The following LRRC37B variants were observed in gnomAD, a reference collection of about 807,000 sequenced individuals.
LRRC37B encodes the protein leucine rich repeat containing 37B, also known as leucine-rich repeat-containing protein 37B.
In LRRC37B, 28 loss-of-function variants were observed where a neutral mutation model predicts 98.3. The ratio of observed to expected loss-of-function variants is 0.28; its 90% CI spans 0.21 to 0.39. The LOEUF (loss-of-function observed/expected upper bound fraction) is 0.39, where lower values mean the gene tolerates loss of function less well. LRRC37B is among the 10% of genes least tolerant of loss of function. LRRC37B has a pLI of 1.00. For synonymous variants in LRRC37B, 364 were observed against 442.7 expected, an observed-to-expected ratio of 0.82 and a Z score of 2.23; for missense variants, 938 against 1,182.7, an observed-to-expected ratio of 0.79 and a Z score of 3.03.
upstream of LRRC37B, chr17:32,007,931 A>C: frequency 3.4e-6 from 2 of 579,832 alleles, no homozygotes; most frequent in Non-Finnish European, 4.9e-6. This position sits in a 1 kb window ranked among gnomAD's most constrained non-coding sequence, Gnocchi z 4.1. Context: ...GGCTGTCAAC[A>C]GAGTGGTGTA....
exon 1 of LRRC37B, chr17:32,021,467 G>T: frequency 6.2e-7 from 1 of 1,614,040 alleles, no homozygotes. Context: ...CTGGAGAGCT[G>T]CCCCTGGGGC....
chr17:32,039,349 C>T (rs938342656), intron 7 of LRRC37B, among the ~76,000 whole-genome samples: 1 of 149,320 alleles, frequency 6.7e-6, no homozygotes, highest in Non-Finnish European at 1.5e-5. Flanking sequence ...TGATGGCACA[C>T]TCCTGTAGTC....
intron 1 of LRRC37B, among the ~76,000 whole-genome samples, chr17:32,012,490 G>A (rs1910545401): frequency 1.3e-5 from 2 of 152,054 alleles, no homozygotes. Flanking sequence ...GCCAAGGCGG[G>A]TGGATCACCT....
intron 3 of LRRC37B, among the ~76,000 whole-genome samples, chr17:32,029,173 T>C (rs1055859709): frequency 1.3e-5 from 2 of 151,974 alleles, no homozygotes; most frequent in Admixed American, 6.6e-5. Flanking sequence ...AGCTAATTTA[T>C]TGTATTTTTA....
At chr17:32,053,317 T>C (rs368628354) in exon 12 of LRRC37B, 2 of 1,608,630 alleles carry the variant, frequency 1.2e-6, no homozygotes, top group African/African-American at 2.7e-5. Flanking sequence ...CCCATCAATA[T>C]CAGGAGCCTG....
upstream of LRRC37B, chr17:32,017,280 T>C (rs540761446): frequency 6.6e-6 from 1 of 152,342 alleles, no homozygotes; most frequent in South Asian, 2.1e-4. Flanking sequence ...AGGGAGTAGA[T>C]GATACCTAGC....
chr17:32,031,773 G>A (rs1292900387), intron 5 of LRRC37B, among the ~76,000 whole-genome samples: 1 of 150,720 alleles, frequency 6.6e-6, no homozygotes, highest in Admixed American at 6.6e-5. Flanking sequence ...AGGAGCTGAG[G>A]GGGGCGGATC....
At chr17:32,027,483 G>A (rs1910999546) in intron 2 of LRRC37B, among the ~76,000 whole-genome samples, 4 of 150,066 alleles carry the variant, frequency 2.7e-5, no homozygotes. Context: ...GTGTGTGCTT[G>A]TGTGTGGGTG....
At chr17:32,014,734 A>G (rs532055805) in intron 1 of LRRC37B, among the ~76,000 whole-genome samples, 2 of 150,714 alleles carry the variant, frequency 1.3e-5, no homozygotes, top group Non-Finnish European at 2.9e-5. Context: ...AGATACATAT[A>G]TCTATATACA....
At position 32,041,519 on chromosome 17, in the gene LRRC37B, G is replaced by T. The variant is rs760921235; in HGVS notation, c.2205-4181G>T. On this transcript the variant is annotated intron_variant, in intron 7 of 11. Coordinates refer to ENST00000327564, the Ensembl canonical transcript of LRRC37B. ...GCTACATGGACGTGCTCATGCCTCT[G>T]CCCAGTGACTCACTGGTGCCCCCGC... 4 of 544,858 alleles carry T rather than the reference G, an allele frequency of 7.3e-6. No individual in the cohort carries two copies. In the Admixed American group the frequency reaches 8.8e-5, roughly 12 times the overall value. 33.8% of individuals were successfully genotyped at this position (544,858 alleles called of 1,614,324 possible).
chr17:32,031,215 G>A lies in LRRC37B; in HGVS notation c.1977-163G>A, dbSNP rs200473710. Among the ~76,000 whole-genome samples the A allele has an allele frequency of 3.3e-5, 5 of 152,230 alleles. No individual in the cohort carries two copies. In the South Asian group the frequency reaches 6.2e-4, roughly 19 times the overall value. ...GTAGCTAATGCACCACATGTGCAAT[G>A]TTAAAGTATAAACCATAAGCCAGTA... On this transcript the variant is annotated intron_variant, in intron 4 of 11. Transcript: ENST00000327564.
intron 1 of LRRC37B, among the ~76,000 whole-genome samples, chr17:32,011,040 A>T (rs2142234443): frequency 6.7e-6 from 1 of 149,272 alleles, no homozygotes; most frequent in South Asian, 2.1e-4. Context: ...TCTGTCACCT[A>T]GGCTGGAGTG....
intron 1 of LRRC37B, 97 bp from the exon 5 acceptor site, chr17:32,024,614 T>C: frequency 1.2e-6 from 2 of 1,601,436 alleles, no homozygotes; most frequent in East Asian, 4.5e-5. Flanking sequence ...TTATTTTCTG[T>C]TTCCGAATAT....
intron 7 of LRRC37B, among the ~76,000 whole-genome samples, chr17:32,038,189 G>A (rs1252573597): frequency 6.6e-6 from 1 of 152,092 alleles, no homozygotes; most frequent in East Asian, 1.9e-4. Context: ...ACCAGGTACA[G>A]TGGCTCATGC....
At chr17:32,017,013 T>TA (rs1910659097), upstream of LRRC37B, 1 of 152,206 alleles carries the variant, frequency 6.6e-6, no homozygotes, top group South Asian at 2.1e-4. Context: ...TTAGGGGAAA[T>TA]AACCTATCAG....
exon 1 of LRRC37B, chr17:32,021,690 C>T: frequency 1.2e-6 from 2 of 1,614,206 alleles, no homozygotes; most frequent in Non-Finnish European, 1.7e-6. Context: ...GGTTTCAAGA[C>T]CAACCAAATT....
At chr17:32,029,732 C>G (rs1213838801) in intron 3 of LRRC37B, among the ~76,000 whole-genome samples, 2 of 152,170 alleles carry the variant, frequency 1.3e-5, no homozygotes, top group Non-Finnish European at 2.9e-5. Context: ...GCCAGATCTT[C>G]CAGGGCTTTG....
chr17:32,040,481 T>C (rs1447250382), intron 7 of LRRC37B: 3 of 647,426 alleles, frequency 4.6e-6, no homozygotes, highest in Non-Finnish European at 8.6e-6. Context: ...GCAAGCCAGC[T>C]GGTCAGTGAG....
exon 1 of LRRC37B, chr17:32,022,112 T>C (rs1419869427): frequency 3.7e-6 from 6 of 1,613,768 alleles, no homozygotes; most frequent in African/African-American, 1.3e-5. Flanking sequence ...CACTGAATCA[T>C]GAAGTGACAG....
Sources: gnomAD v4.1 joint callset for allele counts (sites outside exome capture counted in the v4.1 genomes callset) on GRCh38, gnomAD v4.1.1 for gene constraint, Gnocchi (gnomAD v3.1) non-coding constraint, MANE v1.5 for transcripts, NCBI Gene and HGNC (gene_info 2026-07-23, HGNC 2026-07-21) for gene names.